The following KCNMB2 variants were observed in gnomAD, a reference collection of about 807,000 sequenced individuals.
KCNMB2 encodes potassium calcium-activated channel subfamily M regulatory beta subunit 2.
A neutral mutation model predicts 24.5 loss-of-function variants in KCNMB2; 9 were observed. The ratio of observed to expected loss-of-function variants is 0.37; its 90% CI spans 0.22 to 0.64. KCNMB2 has a LOEUF of 0.64. KCNMB2 is among the 30% of genes least tolerant of loss of function. The pLI, the probability that KCNMB2 is intolerant of heterozygous loss-of-function variation, is 0.63. For synonymous variants in KCNMB2, 109 were observed against 104.4 expected (o/e 1.04, Z -0.27); for missense variants, 226 against 284.3 (o/e 0.79, Z 1.47).
intron 1 of KCNMB2, among the ~76,000 whole-genome samples, chr3:178,756,817 A>T (rs1724065426): frequency 6.6e-6 from 1 of 152,078 alleles, no homozygotes; most frequent in South Asian, 2.1e-4. Flanking sequence ...GCTTAGAGTT[A>T]ACAGCATTAA....
intron 1 of KCNMB2, among the ~76,000 whole-genome samples, chr3:178,692,602 T>C (rs1283469439): frequency 1.3e-5 from 2 of 152,240 alleles, no homozygotes; most frequent in Non-Finnish European, 2.9e-5. Context: ...CATTGGTCTA[T>C]GTGGCTGTTT....
intron 1 of KCNMB2, among the ~76,000 whole-genome samples, chr3:178,570,515 CTTTTTTTTTTTTTTT>C (rs200106452): frequency 5.8e-4 from 66 of 114,602 alleles, no homozygotes; most frequent in East Asian, 5.9e-4. Flanking sequence ...GTAATGATAC[CTTTTTTTTTTTTTTT>C]TTTTTTTTTT....
chr3:178,667,588 A>G lies in KCNMB2; in HGVS notation c.-68+130877A>G, dbSNP rs186750883. ...TTGTTGTAGCAGCACAAAACAGACT[A>G]AGACACCATATGAGGACACAGTGAG... On this transcript the variant is annotated intron_variant, in intron 1 of 4. Coordinates refer to ENST00000452583, the MANE Select transcript of KCNMB2 (RefSeq NM_181361.3). Among the ~76,000 whole-genome samples, 9 of 152,230 alleles carry G rather than the reference A, an allele frequency of 5.9e-5. No individual in the cohort carries two copies. The East Asian group carries it at 1.7e-3, about 29-fold the overall frequency.
At chr3:178,566,133 G>A (rs1383341866) in intron 1 of KCNMB2, among the ~76,000 whole-genome samples, 1 of 152,090 alleles carries the variant, frequency 6.6e-6, no homozygotes, top group Non-Finnish European at 1.5e-5. Flanking sequence ...CTCCTAAAAC[G>A]TCTAAGTAAT....
At chr3:178,675,606 T>C (rs1721045431) in intron 1 of KCNMB2, among the ~76,000 whole-genome samples, 1 of 152,188 alleles carries the variant, frequency 6.6e-6, no homozygotes, top group Non-Finnish European at 1.5e-5. Context: ...TCAATAAATA[T>C]GAAAAATCTT....
intron 1 of KCNMB2, among the ~76,000 whole-genome samples, chr3:178,722,798 T>A (rs572873628): frequency 1.2e-4 from 18 of 152,096 alleles, no homozygotes; most frequent in Non-Finnish European, 2.1e-4. Flanking sequence ...CAGGCTGAGG[T>A]GGGAGGATGG....
chr3:178,784,317 C>T (rs915145583), intron 1 of KCNMB2, among the ~76,000 whole-genome samples: 1 of 152,166 alleles, frequency 6.6e-6, no homozygotes, highest in Non-Finnish European at 1.5e-5. Flanking sequence ...GGTTAACTAG[C>T]TTACCCCGTG....
intron 1 of KCNMB2, among the ~76,000 whole-genome samples, chr3:178,673,867 A>G (rs1010836779): frequency 1.3e-5 from 2 of 152,030 alleles, no homozygotes; most frequent in African/African-American, 2.4e-5. Context: ...CTACACTCTC[A>G]CCAATTCTTT....
At chr3:178,624,911 C>T (rs575846421) in intron 1 of KCNMB2, among the ~76,000 whole-genome samples, 82 of 152,014 alleles carry the variant, frequency 5.4e-4, no homozygotes, top group Non-Finnish European at 1.0e-3. Context: ...ATTCAGATTC[C>T]TTCCTGGCTG....
chr3:178,692,781 T>C (rs1427028687), intron 1 of KCNMB2, among the ~76,000 whole-genome samples: 1 of 152,230 alleles, frequency 6.6e-6, no homozygotes. Context: ...TCTAGTTATA[T>C]GAAGAATCTC....
chr3:178,749,076 G>A (rs1723759693), intron 1 of KCNMB2: 1 of 152,118 alleles, frequency 6.6e-6, no homozygotes, highest in Non-Finnish European at 1.5e-5. Context: ...TGGTTTAGTG[G>A]TTTCAACAGC....
chr3:178,646,603 G>A (rs904875985), intron 1 of KCNMB2, among the ~76,000 whole-genome samples: 1 of 152,216 alleles, frequency 6.6e-6, no homozygotes, highest in Non-Finnish European at 1.5e-5. Flanking sequence ...TATTGTAAGC[G>A]AGGCTGAAAC....
chr3:178,791,671 C>T (rs540290904), intron 1 of KCNMB2, among the ~76,000 whole-genome samples: 1 of 152,076 alleles, frequency 6.6e-6, no homozygotes, highest in Admixed American at 6.5e-5. Context: ...AAGAAGATTA[C>T]CTCAAAGCAT....
At chr3:178,670,807 G>T (rs1720873532) in intron 1 of KCNMB2, among the ~76,000 whole-genome samples, 1 of 152,108 alleles carries the variant, frequency 6.6e-6, no homozygotes, top group Non-Finnish European at 1.5e-5. Context: ...AGCCGGGAGA[G>T]GTGATGTGAT....
intron 1 of KCNMB2, among the ~76,000 whole-genome samples, chr3:178,791,737 G>C (rs1040011474): frequency 1.3e-5 from 2 of 150,756 alleles, no homozygotes; most frequent in African/African-American, 4.9e-5. Context: ...AAAGCAGCAA[G>C]AGAAAAAAAG....
At chr3:178,567,625 T>G (rs1716573304) in intron 1 of KCNMB2, among the ~76,000 whole-genome samples, 1 of 143,446 alleles carries the variant, frequency 7.0e-6, no homozygotes, top group African/African-American at 2.9e-5. Flanking sequence ...AGAAAAAATA[T>G]AAAGAAAATT....
intron 1 of KCNMB2, among the ~76,000 whole-genome samples, chr3:178,779,392 G>A (rs762319700): frequency 6.6e-6 from 1 of 152,154 alleles, no homozygotes; most frequent in Non-Finnish European, 1.5e-5. Context: ...GCCATTGATG[G>A]ATACACGTAA....
At chr3:178,735,490 A>T (rs558412725) in intron 1 of KCNMB2, among the ~76,000 whole-genome samples, 1 of 152,246 alleles carries the variant, frequency 6.6e-6, no homozygotes, top group Admixed American at 6.5e-5. Context: ...AGTCCTGGCT[A>T]AGGGGTTGAG....
chr3:178,759,511 C>A (rs187200997), intron 1 of KCNMB2, among the ~76,000 whole-genome samples: 64 of 103,180 alleles, frequency 6.2e-4, no homozygotes, highest in African/African-American at 2.3e-3. Flanking sequence ...ATATATATAT[C>A]TCTCCAAGAG....
Sources: allele counts gnomAD v4.1 joint callset (sites outside exome capture counted in the v4.1 genomes callset), GRCh38; gene constraint gnomAD v4.1.1; transcripts MANE v1.5; gene names NCBI Gene and HGNC (gene_info 2026-07-23, HGNC 2026-07-21).